The following ARFGEF1 variants were observed in gnomAD, a reference collection of about 807,000 sequenced individuals.
ARFGEF1 encodes brefeldin A-inhibited guanine nucleotide-exchange protein 1.
Under a neutral mutation model 231.0 loss-of-function variants are expected in ARFGEF1, and 42 were observed. That is an observed-to-expected ratio of 0.18 (90% CI 0.14 to 0.24). The LOEUF (loss-of-function observed/expected upper bound fraction) is 0.24, where lower values mean the gene tolerates loss of function less well. Ranked by LOEUF, ARFGEF1 falls within the 10% of genes least tolerant of loss-of-function variation. ARFGEF1 has a pLI of 1.00. For missense variants in ARFGEF1, 1,345 were observed against 2,192.0 expected (o/e 0.61, Z 7.72); for synonymous variants, 710 against 732.3 (o/e 0.97, Z 0.49).
intron 5 of ARFGEF1, chr8:67,190,659 G>A: frequency 6.2e-7 from 1 of 1,613,948 alleles, no homozygotes; most frequent in Non-Finnish European, 8.5e-7. Context: ...GGGGCTTACG[G>A]TGAGACATAT....
intron 22 of ARFGEF1, among the ~76,000 whole-genome samples, chr8:67,233,749 T>C (rs1839627616): frequency 6.6e-6 from 1 of 152,006 alleles, no homozygotes; most frequent in East Asian, 1.9e-4. Context: ...TTACTGTTAC[T>C]TACAAGATAA....
chr8:67,229,020 A>T (rs1369567163), intron 23 of ARFGEF1, among the ~76,000 whole-genome samples: 1 of 152,120 alleles, frequency 6.6e-6, no homozygotes, highest in Non-Finnish European at 1.5e-5. Flanking sequence ...CATGATAAAA[A>T]GGAAAACTTT....
At position 67,211,542 on chromosome 8, in the gene ARFGEF1, G is replaced by A; in HGVS notation, c.4760C>T (p.Ala1587Val). 2 of 1,594,720 alleles carry A rather than the reference G, an allele frequency of 1.3e-6. No homozygotes were observed. The highest frequency in any genetic ancestry group is 1.7e-6 in the Non-Finnish European group (2 of 1,171,052). Residue 1587 changes from alanine (A) to valine (V), a missense_variant, in exon 34 of 39, where the codon GCA (alanine) becomes GTA (valine). Physicochemically the swap from Ala to Val is moderately conservative, Grantham distance 64. Around this residue, in one of 14 missense-constraint regions of ARFGEF1, gnomAD observed 89 missense variants for 74.8 expected, o/e 1.19. Transcript: ENST00000262215. ...AACAGCAGACGCAGAAACCAGTGGT[G>A]CTTGTGGTCTGTTATCCACAGACCT... is the stretch of plus-strand genomic sequence containing the variant. ...QPRSVDNRPQ[A>V]PLVSASAVNE...
intron 1 of ARFGEF1, among the ~76,000 whole-genome samples, chr8:67,338,837 G>T (rs1444837691): frequency 9.2e-5 from 14 of 152,282 alleles, no homozygotes. Context: ...TTTGTTAATG[G>T]ATTTAAATTA....
intron 6 of ARFGEF1, among the ~76,000 whole-genome samples, chr8:67,290,774 TAAATC>T (rs1010662935): frequency 9.2e-5 from 14 of 152,182 alleles, no homozygotes; most frequent in African/African-American, 3.1e-4. Flanking sequence ...TAGACAAATG[TAAATC>T]ATTTAAGTGG....
chr8:67,191,141 A>G (rs1271349639), intron 5 of ARFGEF1, among the ~76,000 whole-genome samples: 1 of 152,214 alleles, frequency 6.6e-6, no homozygotes, highest in East Asian at 1.9e-4. Context: ...ATGACTTGCC[A>G]AGGTCACATG....
At chr8:67,227,042 G>T in intron 27 of ARFGEF1, 95 bp downstream of exon 27, 1 of 1,147,648 alleles carries the variant, frequency 8.7e-7, no homozygotes, top group Non-Finnish European at 1.2e-6. Flanking sequence ...AAACTTAAAG[G>T]CCATAATCTT....
intron 23 of ARFGEF1, among the ~76,000 whole-genome samples, chr8:67,232,107 A>G (rs1839573400): frequency 6.6e-6 from 1 of 152,084 alleles, no homozygotes; most frequent in East Asian, 1.9e-4. Flanking sequence ...TCTGAAGCAA[A>G]GTAAAATAAT....
chr8:67,217,827 G>C lies in ARFGEF1; in HGVS notation c.4568C>G (p.Thr1523Ser). 6.2e-7 allele frequency: 1 copy of C among 1,613,936 alleles called. No individual in the cohort carries two copies. The highest frequency in any genetic ancestry group is 8.5e-7 in the Non-Finnish European group (1 of 1,179,912). ...GAAGATATCCAGTGTGCAGTTGCAA[G>C]TTTTATCCCAGATTTCTAGGGTAAA... ...EKFTLEIWDKTCNCTLDIFKT... is the reference protein window; with the variant it reads ...EKFTLEIWDKSCNCTLDIFKT... The change falls in exon 32 of 39, where the codon ACT becomes AGT. Residue 1523 changes from threonine to serine, a missense_variant. Physicochemically the swap from Thr to Ser is moderately conservative, Grantham distance 58. This residue lies in a region of ARFGEF1 where 54 missense variants were observed against 86.5 expected (regional missense o/e 0.62). Transcript: ENST00000262215.
intron 1 of ARFGEF1, among the ~76,000 whole-genome samples, chr8:67,324,048 G>A (rs370819139): frequency 1.3e-5 from 2 of 152,070 alleles, no homozygotes; most frequent in Non-Finnish European, 2.9e-5. Flanking sequence ...TGAACCGCCC[G>A]CCTCGGCCTC....
At chr8:67,251,120 C>CT (rs1221435655) in intron 19 of ARFGEF1, among the ~76,000 whole-genome samples, 179 bp downstream of exon 19, 1 of 152,184 alleles carries the variant, frequency 6.6e-6, no homozygotes, top group Non-Finnish European at 1.5e-5. Context: ...CTCTTGTTCT[C>CT]TTTAAGTAAT....
At chr8:67,214,031 A>T (rs1267981974) in intron 33 of ARFGEF1, among the ~76,000 whole-genome samples, 1 of 152,228 alleles carries the variant, frequency 6.6e-6, no homozygotes, top group Non-Finnish European at 1.5e-5. Flanking sequence ...TAGAAGCTGG[A>T]AGAGTTCTGA....
intron 14 of ARFGEF1, among the ~76,000 whole-genome samples, chr8:67,265,074 T>C (rs1170589332): frequency 6.6e-6 from 1 of 152,178 alleles, no homozygotes; most frequent in East Asian, 1.9e-4. Flanking sequence ...TTCCCCAGGA[T>C]CTTGCATAAT....
chr8:67,267,045 C>T (rs765831919), intron 12 of ARFGEF1, 46 bp downstream of exon 12: 3 of 1,609,790 alleles, frequency 1.9e-6, no homozygotes, highest in Non-Finnish European at 2.5e-6. Context: ...ACACATGACT[C>T]TTTCCTGGTA....
intron 1 of ARFGEF1, among the ~76,000 whole-genome samples, chr8:67,310,625 C>T (rs1481707983): frequency 6.6e-6 from 1 of 151,984 alleles, no homozygotes; most frequent in South Asian, 2.1e-4. Flanking sequence ...CGCCTCTTCC[C>T]GGCCACCATC....
chr8:67,201,198 A>G (rs1436533776), intron 37 of ARFGEF1, among the ~76,000 whole-genome samples: 1 of 152,250 alleles, frequency 6.6e-6, no homozygotes, highest in Non-Finnish European at 1.5e-5. Context: ...GGACTATCTT[A>G]TGACATTAAA....
intron 9 of ARFGEF1, among the ~76,000 whole-genome samples, chr8:67,273,138 T>C (rs1184893134): frequency 6.6e-6 from 1 of 151,844 alleles, no homozygotes; most frequent in African/African-American, 2.4e-5. Flanking sequence ...AAAATAAAAA[T>C]ACAAACTTAA....
intron 1 of ARFGEF1, among the ~76,000 whole-genome samples, chr8:67,336,866 C>G (rs1222558041): frequency 6.6e-6 from 1 of 152,164 alleles, no homozygotes. Flanking sequence ...CGCGGTGGCT[C>G]ACGCCTGTAA....
At chr8:67,221,999 G>C (rs1839181235) in intron 29 of ARFGEF1, among the ~76,000 whole-genome samples, 1 of 148,780 alleles carries the variant, frequency 6.7e-6, no homozygotes, top group African/African-American at 2.5e-5. Context: ...ATTTTTAGTA[G>C]AGACGGGGTT....
Sources: gnomAD v4.1 joint callset for allele counts (sites outside exome capture counted in the v4.1 genomes callset) on GRCh38, gnomAD v4.1.1 for gene constraint, gnomAD v4.1.1 regional missense constraint, MANE v1.5 for transcripts, NCBI Gene and HGNC (gene_info 2026-07-23, HGNC 2026-07-21) for gene names.